The following SPAST variants were observed in gnomAD, a reference collection of about 807,000 sequenced individuals.
The protein encoded by SPAST is spastin.
In SPAST, 30 loss-of-function variants were observed where a neutral mutation model predicts 76.6. That is an observed-to-expected ratio of 0.39 (90% confidence interval 0.29 to 0.53). SPAST has a LOEUF of 0.53. SPAST is among the 20% of genes least tolerant of loss of function. The probability of loss-of-function intolerance (pLI) is 0.68; values close to 1 mark genes in which losing one functional copy is unlikely to be tolerated. For synonymous variants in SPAST, 305 were observed against 281.0 expected, an observed-to-expected ratio of 1.09 and a Z score of -0.86; for missense variants, 717 against 770.5, an observed-to-expected ratio of 0.93 and a Z score of 0.82.
chr2:32,096,255 C>A (rs1194182915), intron 3 of SPAST, among the ~76,000 whole-genome samples: 1 of 152,110 alleles, frequency 6.6e-6, no homozygotes, highest in Admixed American at 6.5e-5. Context: ...GCCAACATGG[C>A]AAAACCTTGT....
chr2:32,079,902 C>G (rs1443076598), intron 1 of SPAST, among the ~76,000 whole-genome samples: 1 of 152,062 alleles, frequency 6.6e-6, no homozygotes, highest in Non-Finnish European at 1.5e-5. Flanking sequence ...GAACATTGGT[C>G]TAAATATCTG....
chr2:32,114,594 G>A (rs770841090), intron 4 of SPAST, 44 bp from the exon 5 acceptor site: 2 of 1,485,486 alleles, frequency 1.3e-6, no homozygotes, highest in Non-Finnish European at 1.9e-6. Context: ...TTTATGTTCA[G>A]CTACAATTTT....
chr2:32,080,783 CTTTTTTTTT>C (rs1162817708), intron 1 of SPAST, among the ~76,000 whole-genome samples: 9 of 48,432 alleles, frequency 1.9e-4, no homozygotes, highest in African/African-American at 4.9e-4. Context: ...TGGCTCAGTT[CTTTTTTTTT>C]TTTTTTTTTT....
intron 4 of SPAST, among the ~76,000 whole-genome samples, chr2:32,107,627 G>A (rs1487258627): frequency 6.6e-6 from 1 of 152,078 alleles, no homozygotes; most frequent in African/African-American, 2.4e-5. Context: ...TTGGATTTTT[G>A]GGTTAAGGAT....
chr2:32,136,520 A>T, intron 9 of SPAST, 43 bp from the exon 10 acceptor site: 1 of 1,337,700 alleles, frequency 7.5e-7, no homozygotes, highest in Non-Finnish European at 1.1e-6. Context: ...AACTGGAATA[A>T]TGTTGCATTT....
chr2:32,108,522 T>A (rs1573103743), intron 4 of SPAST, among the ~76,000 whole-genome samples: 2 of 152,122 alleles, frequency 1.3e-5, no homozygotes, highest in East Asian at 3.9e-4. Context: ...ATTTATATAT[T>A]TATTTTTTTT....
At chr2:32,143,609 C>G (rs941904438) in intron 14 of SPAST, among the ~76,000 whole-genome samples, 194 bp downstream of exon 14, 4 of 152,186 alleles carry the variant, frequency 2.6e-5, no homozygotes, top group African/African-American at 9.6e-5. Context: ...CTAAATTTCA[C>G]TGGCTATGTC....
At chr2:32,082,884 G>A (rs528535687) in intron 1 of SPAST, among the ~76,000 whole-genome samples, 1 of 152,242 alleles carries the variant, frequency 6.6e-6, no homozygotes, top group South Asian at 2.1e-4. Flanking sequence ...TATTCCACGT[G>A]TGGAGATACC....
At chr2:32,149,094 A>T (rs923795849) in intron 16 of SPAST, among the ~76,000 whole-genome samples, 4 of 151,528 alleles carry the variant, frequency 2.6e-5, no homozygotes, top group Non-Finnish European at 2.9e-5. Flanking sequence ...TTTTTTAATT[A>T]ATTTCTTTTT....
chr2:32,067,254 G>T (rs1276741370), intron 1 of SPAST, among the ~76,000 whole-genome samples: 2 of 152,056 alleles, frequency 1.3e-5, no homozygotes, highest in African/African-American at 4.8e-5. Flanking sequence ...TAGAGATGGG[G>T]TTCCACCATG....
In SPAST at chr2:32,156,523, C is replaced by T. The variant is rs1312872292; in HGVS notation, c.*2027C>T. 6.6e-6 allele frequency: 1 copy of T among 151,672 alleles called. No individual in the cohort carries two copies. The highest frequency in any genetic ancestry group is 1.5e-5 in the Non-Finnish European group (1 of 67,946). The allele number at this position is 151,672 out of a possible 1,614,324, so 9.4% of individuals were successfully genotyped here. The stretch of plus-strand genomic sequence containing the variant: ...GTGATGGGTAGTATCCCTTTAAGGT[C>T]TCAAACATTACAACATCAATTATGA... On this transcript the variant is annotated 3_prime_UTR_variant, in exon 17 of 17. Transcript: ENST00000315285.
At chr2:32,070,049 C>T (rs182280632) in intron 1 of SPAST, among the ~76,000 whole-genome samples, 1 of 143,686 alleles carries the variant, frequency 7.0e-6, no homozygotes, top group African/African-American at 2.6e-5. Flanking sequence ...ATTCTTATGG[C>T]ATACTAAAAA....
intron 4 of SPAST, among the ~76,000 whole-genome samples, chr2:32,107,603 G>A (rs534662143): frequency 5.0e-4 from 76 of 152,120 alleles, no homozygotes; most frequent in Non-Finnish European, 1.0e-3. Context: ...GGAAATACTG[G>A]AGTATTTTGC....
chr2:32,106,623 A>G lies in SPAST; in HGVS notation c.682+7732A>G, dbSNP rs1236225566. Among the ~76,000 whole-genome samples, 9 of 152,258 alleles carry G rather than the reference A, an allele frequency of 5.9e-5. 2 individuals carry two copies. Among genetic ancestry groups the G allele is most frequent in the East Asian group, 5.8e-4 (3 of 5,172 alleles). ...CATTCATATGTAATACAAAACTTCT[A>G]AGGTTTTAGTGGAGAAGAGATAGAG... On this transcript the variant is annotated intron_variant, in intron 4 of 16. Coordinates refer to ENST00000315285, the MANE Select transcript of SPAST (RefSeq NM_014946.4).
intron 4 of SPAST, among the ~76,000 whole-genome samples, chr2:32,114,102 T>C (rs940186873): frequency 1.3e-5 from 2 of 152,074 alleles, no homozygotes; most frequent in Non-Finnish European, 2.9e-5. Flanking sequence ...AATACTGTTT[T>C]TAATAAGAAA....
At position 32,111,332 on chromosome 2, in the gene SPAST, G is replaced by A. The variant is rs573795135; in HGVS notation, c.683-3306G>A. On this transcript the variant is annotated intron_variant, in intron 4 of 16. Transcript: ENST00000315285. The stretch of plus-strand genomic sequence containing the variant: ...CAGTATACTGTATAGTGTGTATAGC[G>A]TATATATACAGTATACTGTATAGTG... Among the ~76,000 whole-genome samples the A allele has an allele frequency of 1.5e-4, 19 of 127,646 alleles. 1 individual carries two copies. Among genetic ancestry groups the A allele is most frequent in the Non-Finnish European group, 2.8e-4 (16 of 57,806 alleles). The allele number at this position is 127,646 out of a possible 152,430, so 83.7% of individuals were successfully genotyped here.
intron 12 of SPAST, among the ~76,000 whole-genome samples, chr2:32,140,948 T>G (rs398044146): frequency 2.7e-5 from 4 of 145,838 alleles, no homozygotes; most frequent in South Asian, 2.3e-4. Context: ...TTGTTGTTTT[T>G]TTTTTTTTTT....
rs933949485 is a variant in SPAST, at chr2:32,070,864, G to A, written c.415+6618G>A. On this transcript the variant is annotated intron_variant, in intron 1 of 16. Transcript: ENST00000315285. Reference sequence around the variant, plus strand: ...TAAGTTGGTAAATATTTTAATTGTTGAACTTTCTTGGAAGACTGAAAACCT... The same window carrying A: ...TAAGTTGGTAAATATTTTAATTGTTAAACTTTCTTGGAAGACTGAAAACCT... Among the ~76,000 whole-genome samples, 5 of 152,240 alleles carry A rather than the reference G, an allele frequency of 3.3e-5. No individual in the cohort carries two copies. The East Asian group carries it at 9.6e-4, about 29-fold the overall frequency.
intron 4 of SPAST, among the ~76,000 whole-genome samples, chr2:32,103,545 T>A (rs1286926109): frequency 6.6e-6 from 1 of 152,190 alleles, no homozygotes; most frequent in East Asian, 1.9e-4. Flanking sequence ...TCTAGTTCTT[T>A]TAATGGTGAT....
Sources: allele counts gnomAD v4.1 joint callset (sites outside exome capture counted in the v4.1 genomes callset), GRCh38; gene constraint gnomAD v4.1.1; transcripts MANE v1.5; gene names NCBI Gene and HGNC (gene_info 2026-07-23, HGNC 2026-07-21).